NDST4: variants seen among roughly 807,000 people sequenced by gnomAD.
NDST4 encodes N-heparan sulfate sulfotransferase 4.
NDST4 carries 63 observed loss-of-function variants against 100.8 expected under a neutral mutation model. The ratio of observed to expected loss-of-function variants is 0.62; its 90% confidence interval spans 0.51 to 0.77. NDST4 has a LOEUF of 0.77. Ranked by LOEUF, NDST4 falls within the 30% of genes least tolerant of loss-of-function variation. The pLI, the probability that NDST4 is intolerant of heterozygous loss-of-function variation, is 0.00. For synonymous variants in NDST4, 377 were observed against 361.8 expected (o/e 1.04, Z -0.48); for missense variants, 943 against 1,018.4 (o/e 0.93, Z 1.01).
chr4:115,055,774 C>A (rs887486352), intron 2 of NDST4, among the ~76,000 whole-genome samples: 1 of 151,980 alleles, frequency 6.6e-6, no homozygotes, highest in Non-Finnish European at 1.5e-5. Context: ...AAGCTGGCAC[C>A]ACTTAAAGGC....
chr4:115,047,544 T>C (rs938699097), intron 2 of NDST4, among the ~76,000 whole-genome samples: 3 of 152,146 alleles, frequency 2.0e-5, no homozygotes, highest in African/African-American at 7.2e-5. Context: ...TTGATTTTAA[T>C]TCCGATAGCT....
chr4:114,849,570 C>G (rs1723627906), intron 8 of NDST4, among the ~76,000 whole-genome samples: 1 of 152,006 alleles, frequency 6.6e-6, no homozygotes, highest in African/African-American at 2.4e-5. Context: ...TACATGGCCA[C>G]CAAGAGGTAA....
intron 11 of NDST4, among the ~76,000 whole-genome samples, chr4:114,838,911 C>T (rs1252644750): frequency 6.6e-6 from 1 of 151,954 alleles, no homozygotes; most frequent in Non-Finnish European, 1.5e-5. Flanking sequence ...ATAACACTCC[C>T]CATTTGGCAG....
At position 114,833,676 on chromosome 4, in the gene NDST4, C is replaced by G. The variant is rs1325467707; in HGVS notation, c.2326G>C (p.Ala776Pro). The change falls in exon 12 of 14, where the codon GCT becomes CCT. Residue 776 changes from alanine to proline, a missense_variant. Physicochemically the swap from Ala to Pro is conservative, Grantham distance 27. Transcript: ENST00000264363. ...TTCTGGACTTCATCCATCACAGTAG[C>G]TGGGTCAGATCTCAGCTGCTGTCCA... ...IDGQQLRSDP[A>P]TVMDEVQKFL... 6 of 1,612,746 alleles carry G rather than the reference C, an allele frequency of 3.7e-6. No individual in the cohort carries two copies. In the East Asian group the frequency reaches 1.3e-4, roughly 36 times the overall value.
chr4:114,854,087 C>T (rs1209707290), intron 7 of NDST4, among the ~76,000 whole-genome samples: 4 of 152,134 alleles, frequency 2.6e-5, no homozygotes, highest in African/African-American at 7.2e-5. Context: ...TATTTTTGCA[C>T]CCATTAACGA....
chr4:114,953,610 C>A (rs1168185400), intron 4 of NDST4, among the ~76,000 whole-genome samples: 1 of 152,074 alleles, frequency 6.6e-6, no homozygotes, highest in Non-Finnish European at 1.5e-5. Flanking sequence ...AAAACTTAGT[C>A]TATGTGAATG....
intron 1 of NDST4, among the ~76,000 whole-genome samples, chr4:115,109,515 CA>C (rs1729899256): frequency 6.6e-6 from 1 of 151,920 alleles, no homozygotes; most frequent in Non-Finnish European, 1.5e-5. Flanking sequence ...AAACAGAGTA[CA>C]AATTGGATTT....
At chr4:115,052,657 T>G (rs1046920631) in intron 2 of NDST4, among the ~76,000 whole-genome samples, 3 of 152,152 alleles carry the variant, frequency 2.0e-5, no homozygotes, top group Admixed American at 2.0e-4. Flanking sequence ...TTCATGATTG[T>G]GAGGCCTCCC....
intron 7 of NDST4, among the ~76,000 whole-genome samples, chr4:114,867,664 G>GAAAAAAAAAAAAAAAAAAAAAAAAAAAA (rs1491405935): frequency 3.1e-4 from 8 of 26,080 alleles, no homozygotes; most frequent in Non-Finnish European, 5.8e-4. Flanking sequence ...AAAAAAAAAA[G>GAAAAAAAAAAAAAAAAAAAAAAAAAAAA]CAAAAAAAAA....
intron 6 of NDST4, among the ~76,000 whole-genome samples, chr4:114,884,892 C>G (rs1424694657): frequency 6.6e-6 from 1 of 152,080 alleles, no homozygotes; most frequent in African/African-American, 2.4e-5. Context: ...AACCAGGCAG[C>G]TAAACTGAAT....
intron 6 of NDST4, among the ~76,000 whole-genome samples, chr4:114,926,338 T>A (rs552271208): frequency 1.3e-5 from 2 of 152,184 alleles, no homozygotes; most frequent in Admixed American, 1.3e-4. Context: ...TAAGTTGGTA[T>A]CCAGGGAAAT....
At chr4:114,910,281 C>A (rs1193211309) in intron 6 of NDST4, among the ~76,000 whole-genome samples, 1 of 152,180 alleles carries the variant, frequency 6.6e-6, no homozygotes, top group Non-Finnish European at 1.5e-5. Flanking sequence ...AAGTAAAGCT[C>A]ATCTCATTCA....
At chr4:114,925,519 G>A (rs1470490190) in intron 6 of NDST4, among the ~76,000 whole-genome samples, 1 of 152,108 alleles carries the variant, frequency 6.6e-6, no homozygotes, top group Non-Finnish European at 1.5e-5. Context: ...CATGAACTCA[G>A]AGATTGATAT....
chr4:115,033,688 G>C (rs1438210719), intron 2 of NDST4, among the ~76,000 whole-genome samples: 1 of 151,960 alleles, frequency 6.6e-6, no homozygotes, highest in Non-Finnish European at 1.5e-5. Context: ...TAGTGACAAA[G>C]GTATAGAAAG....
chr4:115,085,414 G>A (rs1338475036), intron 1 of NDST4, among the ~76,000 whole-genome samples: 2 of 152,096 alleles, frequency 1.3e-5, no homozygotes, highest in African/African-American at 4.8e-5. Flanking sequence ...AAAATGTGAG[G>A]ACATGAGATT....
chr4:114,833,543 C>A, intron 12 of NDST4, 63 bp downstream of exon 12: 1 of 1,040,068 alleles, frequency 9.6e-7, no homozygotes, highest in Non-Finnish European at 1.5e-6. Flanking sequence ...ATATACACAC[C>A]TACCAGTGAT....
rs116196915 is a variant in NDST4 at position 115,023,214 on chromosome 4, A to G, written c.979-45940T>C. ...GAACGTATTCCTGTTGGCCGAGCGCAGTTGCTCACATCTGTAATCCCAGCA... is the reference window on the plus strand; with the variant it reads ...GAACGTATTCCTGTTGGCCGAGCGCGGTTGCTCACATCTGTAATCCCAGCA... On this transcript the variant is annotated intron_variant, in intron 2 of 13. Transcript: ENST00000264363. Among the ~76,000 whole-genome samples, 846 of 152,226 alleles carry G rather than the reference A, an allele frequency of 5.6e-3. 10 individuals carry two copies. The highest frequency in any genetic ancestry group is 0.019 in the African/African-American group (810 of 41,550).
intron 2 of NDST4, among the ~76,000 whole-genome samples, chr4:115,026,464 T>C (rs1283215238): frequency 1.3e-5 from 2 of 151,582 alleles, no homozygotes; most frequent in Non-Finnish European, 2.9e-5. Flanking sequence ...CATATACACA[T>C]ACGTTGTGAT....
Position 115,076,327 on chromosome 4 carries a change from T to C in NDST4, c.710A>G (p.Glu237Gly), listed in dbSNP as rs890849286. 6.2e-7 allele frequency: 1 copy of C among 1,613,978 alleles called. No individual in the cohort carries two copies. Among genetic ancestry groups the C allele is most frequent in the South Asian group, 1.1e-5 (1 of 91,076 alleles). Residue 237 changes from glutamate to glycine, a missense_variant, in exon 2 of 14, where the codon GAG (glutamate) becomes GGG (glycine). Physicochemically the swap from Glu to Gly is moderately conservative, Grantham distance 98 (BLOSUM62 -2). Around this residue, in one of 2 missense-constraint regions of NDST4, gnomAD observed 417 missense variants for 384.2 expected, o/e 1.09. Transcript: ENST00000264363. ...HSTYQPVLLT[E>G]LQTEKSLSSL... ...TGACAGGGATTTTTCTGTCTGTAACTCAGTTAAAAGTACAGGCTGGTAGGT... is the reference window on the plus strand; with the variant it reads ...TGACAGGGATTTTTCTGTCTGTAACCCAGTTAAAAGTACAGGCTGGTAGGT...
Sources: gnomAD v4.1 joint callset for allele counts (sites outside exome capture counted in the v4.1 genomes callset) on GRCh38, gnomAD v4.1.1 for gene constraint, gnomAD v4.1.1 regional missense constraint, MANE v1.5 for transcripts, NCBI Gene and HGNC (gene_info 2026-07-23, HGNC 2026-07-21) for gene names.